Variants in MAPK14 observed in about 807,000 individuals in gnomAD.
MAPK14 encodes CSAID-binding protein.
MAPK14 carries 16 observed loss-of-function variants against 49.6 expected under a neutral mutation model. The ratio of observed to expected loss-of-function variants is 0.32; its 90% confidence interval spans 0.22 to 0.49. The LOEUF is 0.49. Among genes scored for constraint, MAPK14 ranks in the 20% least tolerant of loss-of-function variants. The pLI, the probability that MAPK14 is intolerant of heterozygous loss-of-function variation, is 0.99. For synonymous variants in MAPK14, 142 were observed against 158.0 expected, an observed-to-expected ratio of 0.90 and a Z score of 0.76; for missense variants, 200 against 441.2, an observed-to-expected ratio of 0.45 and a Z score of 4.90.
intron 1 of MAPK14, among the ~76,000 whole-genome samples, chr6:36,029,991 C>T (rs16883819): frequency 0.17 from 25,442 of 146,456 alleles, 3,074 homozygotes; most frequent in African/African-American, 0.35. Context: ...TTTTCAAAGA[C>T]GTATTTGGAT....
chr6:36,076,157 G>A (rs1267582381), intron 7 of MAPK14, among the ~76,000 whole-genome samples, 195 bp downstream of exon 7: 1 of 152,112 alleles, frequency 6.6e-6, no homozygotes, highest in Non-Finnish European at 1.5e-5. Context: ...TTTAAACCTT[G>A]TGATTTAGCA....
intron 3 of MAPK14, among the ~76,000 whole-genome samples, chr6:36,063,606 T>C (rs189291424): frequency 3.9e-5 from 6 of 152,264 alleles, no homozygotes; most frequent in Non-Finnish European, 7.4e-5. Flanking sequence ...GACTGAAACA[T>C]TGTTATGTGG....
At chr6:36,081,757 G>A (rs976022026) in intron 8 of MAPK14, among the ~76,000 whole-genome samples, 7 of 151,888 alleles carry the variant, frequency 4.6e-5, no homozygotes, top group African/African-American at 1.5e-4. Flanking sequence ...TTAACAATTG[G>A]CATTTCTATT....
intron 1 of MAPK14, among the ~76,000 whole-genome samples, chr6:36,044,090 G>A (rs746000589): frequency 2.0e-5 from 3 of 151,958 alleles, no homozygotes; most frequent in African/African-American, 7.2e-5. Flanking sequence ...GATTACAGTC[G>A]TGAGCCACCG....
intron 8 of MAPK14, among the ~76,000 whole-genome samples, chr6:36,085,047 A>G (rs997305264): frequency 1.3e-5 from 2 of 152,200 alleles, no homozygotes; most frequent in African/African-American, 4.8e-5. Context: ...TTTCCAACCC[A>G]AAGTTTCATA....
rs201391092 is a variant in MAPK14, at chr6:36,108,582, G to T, written c.*135G>T. 2.8e-5 allele frequency: 17 copies of T among 607,092 alleles called. No individual in the cohort carries two copies. Among genetic ancestry groups the T allele is most frequent in the Non-Finnish European group, 3.3e-5 (11 of 330,404 alleles). 37.6% of individuals were successfully genotyped at this position (607,092 alleles called of 1,614,324 possible). A position where few individuals can be genotyped will look rare whatever the true frequency, so the allele number is the denominator to read the frequency against. ...GGTGGAAGGGGGTGTGCGTGCGTGTGCGTGCGTGTTAGTGTGTGTGCATGT... is the reference window on the plus strand; with the variant it reads ...GGTGGAAGGGGGTGTGCGTGCGTGTTCGTGCGTGTTAGTGTGTGTGCATGT... On this transcript the variant is annotated 3_prime_UTR_variant, in exon 12 of 12. Coordinates refer to ENST00000229794, the MANE Select transcript of MAPK14 (RefSeq NM_139012.3).
At chr6:36,034,250 C>T (rs1482454858) in intron 1 of MAPK14, among the ~76,000 whole-genome samples, 1 of 152,160 alleles carries the variant, frequency 6.6e-6, no homozygotes, top group Non-Finnish European at 1.5e-5. Flanking sequence ...ATCAAAAATG[C>T]ACTCATTGCC....
At chr6:36,055,133 G>T (rs1183752256) in intron 2 of MAPK14, among the ~76,000 whole-genome samples, 1 of 152,220 alleles carries the variant, frequency 6.6e-6, no homozygotes, top group Non-Finnish European at 1.5e-5. Flanking sequence ...TTGAACTTCT[G>T]ACCTTGATCT....
chr6:36,114,492 C>T (rs1766026455), downstream of MAPK14, among the ~76,000 whole-genome samples: 2 of 151,916 alleles, frequency 1.3e-5, no homozygotes, highest in East Asian at 1.9e-4. Flanking sequence ...GTGGTGGGCA[C>T]CTGTAATCCC....
intron 8 of MAPK14, among the ~76,000 whole-genome samples, chr6:36,083,510 C>G (rs893760715): frequency 5.9e-5 from 9 of 152,178 alleles, no homozygotes; most frequent in Admixed American, 1.3e-4. Context: ...TTTTCCCCTG[C>G]TGGTGCTGGA....
intron 1 of MAPK14, among the ~76,000 whole-genome samples, chr6:36,043,194 T>A (rs1763034854): frequency 6.6e-6 from 1 of 152,176 alleles, no homozygotes; most frequent in Non-Finnish European, 1.5e-5. Context: ...GTGGTGAAAT[T>A]GTTTTGTGAT....
intron 8 of MAPK14, chr6:36,092,256 A>G (rs1765264222): frequency 2.1e-5 from 12 of 573,060 alleles, no homozygotes; most frequent in Admixed American, 1.1e-4. Context: ...CTGGGTCCAT[A>G]TAGACCACTG....
chr6:36,090,420 G>C (rs1765174088), intron 8 of MAPK14, among the ~76,000 whole-genome samples: 1 of 150,664 alleles, frequency 6.6e-6, no homozygotes, highest in Non-Finnish European at 1.5e-5. Context: ...ACCTCCTGAG[G>C]CTGGTCTAGA....
chr6:36,086,486 C>A (rs1177883204), intron 8 of MAPK14, among the ~76,000 whole-genome samples: 1 of 152,164 alleles, frequency 6.6e-6, no homozygotes, highest in African/African-American at 2.4e-5. Flanking sequence ...ACTGACCCTG[C>A]AGAAATATGA....
intron 1 of MAPK14, among the ~76,000 whole-genome samples, chr6:36,046,232 G>T (rs1466618576): frequency 6.6e-6 from 1 of 152,076 alleles, no homozygotes; most frequent in Non-Finnish European, 1.5e-5. Flanking sequence ...CTATACCAAT[G>T]ATTTTATAAA....
chr6:36,048,345 T>G (rs1196826046), intron 1 of MAPK14, among the ~76,000 whole-genome samples: 4 of 152,020 alleles, frequency 2.6e-5, no homozygotes, highest in East Asian at 1.9e-4. Flanking sequence ...ACCCAACCCG[T>G]TTTTTATTTT....
intron 9 of MAPK14, chr6:36,097,326 C>T (rs140488591): frequency 6.6e-6 from 1 of 152,326 alleles, no homozygotes; most frequent in Non-Finnish European, 1.5e-5. Flanking sequence ...ATGATCCAAA[C>T]TATAATCCCA....
the MAPK14 span, among the ~76,000 whole-genome samples, chr6:36,121,391 T>C: frequency 3.3e-5 from 5 of 152,174 alleles, no homozygotes; most frequent in Non-Finnish European, 7.4e-5. Flanking sequence ...GCCTGTCACA[T>C]GGGAGCTGTG....
intron 8 of MAPK14, among the ~76,000 whole-genome samples, chr6:36,082,221 CT>C (rs1163479642): frequency 6.6e-6 from 1 of 152,146 alleles, no homozygotes. Flanking sequence ...AATTCTTTCT[CT>C]TGTCTAATGT....
Sources: allele counts gnomAD v4.1 joint callset (sites outside exome capture counted in the v4.1 genomes callset), GRCh38; gene constraint gnomAD v4.1.1; transcripts MANE v1.5; gene names NCBI Gene and HGNC (gene_info 2026-07-23, HGNC 2026-07-21).